Variants in RTN4 observed in about 807,000 individuals in gnomAD.
The protein encoded by RTN4 is reticulon-4.
In RTN4, 32 loss-of-function variants were observed where a neutral mutation model predicts 90.4. The observed-to-expected ratio is 0.35, with a 90% CI of 0.27 to 0.48. RTN4 has a LOEUF of 0.48. Ranked by LOEUF, RTN4 falls within the 20% of genes least tolerant of loss-of-function variation. The pLI is 0.99. For synonymous variants in RTN4, 629 were observed against 552.5 expected, an observed-to-expected ratio of 1.14 and a Z score of -1.94; for missense variants, 1,706 against 1,430.2, an observed-to-expected ratio of 1.19 and a Z score of -3.11.
chr2:54,978,753 T>A (rs530144355), intron 5 of RTN4, among the ~76,000 whole-genome samples: 2 of 152,256 alleles, frequency 1.3e-5, no homozygotes, highest in Non-Finnish European at 2.9e-5. Context: ...CTATAAATTT[T>A]AAAAAACTCA....
chr2:55,052,888 T>C (rs1299628983), upstream of RTN4, among the ~76,000 whole-genome samples: 1 of 152,216 alleles, frequency 6.6e-6, no homozygotes, highest in African/African-American at 2.4e-5. Context: ...TTTATGTATG[T>C]CTAATATAAA....
chr2:55,127,070 T>C, the RTN4 span, among the ~76,000 whole-genome samples: 1 of 152,184 alleles, frequency 6.6e-6, no homozygotes, highest in Non-Finnish European at 1.5e-5. Context: ...CTGGGCTTAA[T>C]ACCTGGGTGA....
At chr2:55,132,037 G>C in the RTN4 span, among the ~76,000 whole-genome samples, 1 of 152,050 alleles carries the variant, frequency 6.6e-6, no homozygotes, top group Non-Finnish European at 1.5e-5. Context: ...AGTATTTATG[G>C]GGGGAATGAT....
the RTN4 span, among the ~76,000 whole-genome samples, chr2:55,131,038 C>T: frequency 1.3e-5 from 2 of 152,254 alleles, no homozygotes; most frequent in African/African-American, 4.8e-5. Context: ...ACTTAATTCA[C>T]TACGTATTGT....
chr2:55,112,419 C>T (rs1403332089), intron 1 of RTN4: 1 of 152,256 alleles, frequency 6.6e-6, no homozygotes, highest in African/African-American at 2.4e-5. Flanking sequence ...GGCTCCCAAC[C>T]ACGTCAACAC....
intron 1 of RTN4, among the ~76,000 whole-genome samples, chr2:55,111,400 C>T (rs1413445736): frequency 6.6e-6 from 1 of 152,244 alleles, no homozygotes; most frequent in Non-Finnish European, 1.5e-5. Flanking sequence ...CTGTGGAAAG[C>T]AGATTCTCAT....
chr2:55,015,350 A>G (rs1680956285), intron 3 of RTN4, among the ~76,000 whole-genome samples: 5 of 152,208 alleles, frequency 3.3e-5, no homozygotes, highest in African/African-American at 1.2e-4. Context: ...AATTTTAAAT[A>G]GATCAGAACT....
chr2:55,026,576 TTC>T lies in RTN4; in HGVS notation c.1521_1522del (p.Lys508GlufsTer3), dbSNP rs1681893999. 6.2e-7 allele frequency: 1 copy of T among 1,613,004 alleles called. No individual in the cohort carries two copies. Among genetic ancestry groups the T allele is most frequent in the Non-Finnish European group, 8.5e-7 (1 of 1,179,900 alleles). On this transcript the variant is annotated frameshift_variant, in exon 3 of 9. Transcript: ENST00000337526. LOFTEE classifies it high-confidence loss of function. Reference sequence around the variant, plus strand: ...GTTTGATGTTTTGGTGCTAGTATTCTTCTCTGTTACTATTTGGGCCTTCTTTT... The same window carrying T: ...GTTTGATGTTTTGGTGCTAGTATTCTTCTGTTACTATTTGGGCCTTCTTTT...
intron 2 of RTN4, among the ~76,000 whole-genome samples, chr2:55,072,913 G>T (rs745415557): frequency 1.3e-4 from 20 of 152,112 alleles, no homozygotes; most frequent in Non-Finnish European, 2.8e-4. Flanking sequence ...AACTGTTAAA[G>T]TGTTTTTTCT....
chr2:55,022,896 A>AACACACACACACACACACACAC (rs150779063), intron 3 of RTN4, among the ~76,000 whole-genome samples: 2,781 of 137,324 alleles, frequency 0.02, 58 homozygotes, highest in East Asian at 0.066. Flanking sequence ...TTCAACATCC[A>AACACACACACACACACACACAC]ACACACACAC....
At chr2:55,075,446 C>A (rs1444258440) in intron 2 of RTN4, among the ~76,000 whole-genome samples, 4 of 152,142 alleles carry the variant, frequency 2.6e-5, no homozygotes, top group African/African-American at 9.7e-5. Context: ...ATAGGTGACA[C>A]AAACAAATGG....
At chr2:55,068,173 A>T (rs2105012910) in intron 2 of RTN4, among the ~76,000 whole-genome samples, 1 of 152,326 alleles carries the variant, frequency 6.6e-6, no homozygotes, top group Middle Eastern at 3.4e-3. Flanking sequence ...CCATATCAAA[A>T]CTCAATAAGT....
At chr2:55,029,192 A>T (rs1293919448) in intron 1 of RTN4, among the ~76,000 whole-genome samples, 1 of 152,168 alleles carries the variant, frequency 6.6e-6, no homozygotes, top group African/African-American at 2.4e-5. Flanking sequence ...GTCACCTATA[A>T]GCCAGGAGAA....
At chr2:55,133,602 C>A in the RTN4 span, among the ~76,000 whole-genome samples, 1 of 152,108 alleles carries the variant, frequency 6.6e-6, no homozygotes, top group East Asian at 1.9e-4. Context: ...GGTGTCTAGT[C>A]CAATTCCTCC....
chr2:55,111,110 A>G (rs1668031539), intron 1 of RTN4, among the ~76,000 whole-genome samples: 1 of 152,186 alleles, frequency 6.6e-6, no homozygotes, highest in Non-Finnish European at 1.5e-5. Flanking sequence ...AGAAAAGAAT[A>G]AAAACAAAAT....
intron 8 of RTN4, 56 bp from the exon 9 acceptor site, chr2:54,973,254 C>CCAT (rs1354527773): frequency 2.9e-6 from 4 of 1,401,522 alleles, no homozygotes; most frequent in African/African-American, 2.8e-5. Flanking sequence ...GCTTAAAATA[C>CCAT]CATCTTCCAA....
chr2:54,989,911 G>C (rs776443022), intron 3 of RTN4, among the ~76,000 whole-genome samples: 8 of 151,992 alleles, frequency 5.3e-5, no homozygotes, highest in Non-Finnish European at 1.2e-4. Flanking sequence ...TATTAGGAGG[G>C]TACAGTGAGA....
intron 3 of RTN4, among the ~76,000 whole-genome samples, chr2:54,997,641 G>A (rs897729187): frequency 3.3e-5 from 5 of 152,112 alleles, no homozygotes; most frequent in African/African-American, 9.7e-5. Context: ...TTAAAAAAAG[G>A]TATATCCATA....
chr2:55,107,789 G>C (rs1329289231), intron 1 of RTN4, among the ~76,000 whole-genome samples: 1 of 151,990 alleles, frequency 6.6e-6, no homozygotes, highest in Non-Finnish European at 1.5e-5. Flanking sequence ...TCTCACCCTT[G>C]GTCAACTATA....
Sources: allele counts gnomAD v4.1 joint callset (sites outside exome capture counted in the v4.1 genomes callset), GRCh38; gene constraint gnomAD v4.1.1; transcripts MANE v1.5; gene names NCBI Gene and HGNC (gene_info 2026-07-23, HGNC 2026-07-21).